Variants in TMOD2 observed in about 807,000 individuals in gnomAD.
TMOD2 encodes tropomodulin-2.
A neutral mutation model predicts 39.9 loss-of-function variants in TMOD2; 22 were observed. The observed-to-expected ratio is 0.55, with a 90% CI of 0.39 to 0.79. The LOEUF (loss-of-function observed/expected upper bound fraction) is 0.79, where lower values mean the gene tolerates loss of function less well. Among genes scored for constraint, TMOD2 ranks in the 30% least tolerant of loss-of-function variants. The pLI is 0.00. For missense variants in TMOD2, 386 were observed against 413.3 expected (o/e 0.93, Z 0.57); for synonymous variants, 123 against 146.1 (o/e 0.84, Z 1.14).
In TMOD2 at chr15:51,810,175, T is replaced by C. The variant is rs2056146971; in HGVS notation, c.*1721T>C. ...TGATTTTTCCTTCCCTTTCACCCATTTAGGTGTGATGTGTTGGAGTCAACT... is the reference window on the plus strand; with the variant it reads ...TGATTTTTCCTTCCCTTTCACCCATCTAGGTGTGATGTGTTGGAGTCAACT... On this transcript the variant is annotated 3_prime_UTR_variant, in exon 10 of 10. Transcript: ENST00000249700. The C allele has an allele frequency of 6.6e-6, 1 of 152,198 alleles. No individual in the cohort carries two copies. Among genetic ancestry groups the C allele is most frequent in the Non-Finnish European group, 1.5e-5 (1 of 68,030 alleles). The allele number at this position is 152,198 out of a possible 1,614,324, so 9.4% of individuals were successfully genotyped here.
At chr15:51,784,596 CA>C (rs1376673554) in intron 7 of TMOD2, 2 of 152,180 alleles carry the variant, frequency 1.3e-5, no homozygotes, top group Non-Finnish European at 2.9e-5. Context: ...TTTTTACCAG[CA>C]GTTATTACAT....
In TMOD2 at chr15:51,810,050, T is replaced by TGCAGAATG. The variant is rs2056146120; in HGVS notation, c.*1596_*1597insGCAGAATG. 6.6e-6 allele frequency: 1 copy of TGCAGAATG among 152,156 alleles called. No individual in the cohort carries two copies. The highest frequency in any genetic ancestry group is 2.4e-5 in the African/African-American group (1 of 41,438). The allele number at this position is 152,156 out of a possible 1,614,324, so 9.4% of individuals were successfully genotyped here. ...GTTTGAGAACACCATAAGCAGAATA[T>TGCAGAATG]TCTAACACCTTTGGCCCCTGAAAAT... On this transcript the variant is annotated 3_prime_UTR_variant, in exon 10 of 10. Coordinates refer to ENST00000249700, the MANE Select transcript of TMOD2 (RefSeq NM_014548.4).
At chr15:51,751,993 C>G (rs1302443630) in intron 1 of TMOD2, among the ~76,000 whole-genome samples, 3 of 151,636 alleles carry the variant, frequency 2.0e-5, no homozygotes, top group Non-Finnish European at 4.4e-5. Flanking sequence ...CTCTGCAGCC[C>G]GCTGGGCCGC....
At chr15:51,770,812 TAATA>T (rs967553635) in intron 3 of TMOD2, among the ~76,000 whole-genome samples, 1 of 152,008 alleles carries the variant, frequency 6.6e-6, no homozygotes, top group Non-Finnish European at 1.5e-5. Flanking sequence ...TCCAAAAAAA[TAATA>T]AATAAATAAA....
intron 4 of TMOD2, among the ~76,000 whole-genome samples, chr15:51,774,579 C>T (rs550970331): frequency 5.3e-5 from 8 of 152,266 alleles, no homozygotes; most frequent in African/African-American, 1.9e-4. Context: ...CCAGGAGAAC[C>T]AGCCTTATTC....
intron 5 of TMOD2, among the ~76,000 whole-genome samples, chr15:51,777,931 A>T (rs948719711): frequency 2.6e-5 from 4 of 152,068 alleles, no homozygotes; most frequent in Non-Finnish European, 4.4e-5. Context: ...CAGTGTGGCG[A>T]TTCCTCAGGG....
At chr15:51,768,445 G>T in intron 3 of TMOD2, 27 bp downstream of exon 3, 1 of 1,570,784 alleles carries the variant, frequency 6.4e-7, no homozygotes, top group Non-Finnish European at 8.6e-7. Flanking sequence ...GAGCATCTTG[G>T]AACAGAGGTT....
At chr15:51,783,152 C>A (rs2055943073) in intron 7 of TMOD2, 1 of 276,688 alleles carries the variant, frequency 3.6e-6, no homozygotes, top group Non-Finnish European at 7.0e-6. Flanking sequence ...CATTGGATAT[C>A]ATGACCCTAA....
intron 1 of TMOD2, among the ~76,000 whole-genome samples, chr15:51,763,529 A>T (rs1230969654): frequency 1.3e-5 from 2 of 152,230 alleles, no homozygotes; most frequent in Non-Finnish European, 2.9e-5. Flanking sequence ...TCTGTAAAAA[A>T]ACAAAACTAA....
intron 3 of TMOD2, 42 bp downstream of exon 3, chr15:51,768,460 CT>C (rs61348403): frequency 0.033 from 42,923 of 1,283,216 alleles, no homozygotes; most frequent in South Asian, 0.066. Context: ...GAGGTTCTCT[CT>C]TTTTTTTTTT....
Position 51,775,563 on chromosome 15 carries a change from CTTTTTCCTTTTTTT to C in TMOD2, c.407-1363_407-1350del, listed in dbSNP as rs1222387223. Among the ~76,000 whole-genome samples the C allele has an allele frequency of 7.3e-5, 7 of 96,524 alleles. No homozygotes were observed. In the Admixed American group the frequency reaches 8.8e-4, roughly 12 times the overall value. The allele number at this position is 96,524 out of a possible 152,430, so 63.3% of individuals were successfully genotyped here. Reference sequence around the variant, plus strand: ...CTTCACAGAGACACAGTGACAAATTCTTTTTCCTTTTTTTTTTTTTTTTTTTTTTTTTGAGACGG... The same window carrying C: ...CTTCACAGAGACACAGTGACAAATTCTTTTTTTTTTTTTTTTTTGAGACGG... On this transcript the variant is annotated intron_variant, in intron 4 of 9. Coordinates refer to ENST00000249700, the MANE Select transcript of TMOD2 (RefSeq NM_014548.4).
At position 51,815,497 on chromosome 15, in the gene TMOD2, C is replaced by T. The variant is rs2056183548; in HGVS notation, c.*7043C>T. On this transcript the variant is annotated 3_prime_UTR_variant, in exon 10 of 10. Coordinates refer to ENST00000249700, the MANE Select transcript of TMOD2 (RefSeq NM_014548.4). ...AGAGAGGCTGGCCCAAGATTTAAAA[C>T]TTCCTGTGGGTAATCTAACTGTGAG... 1 of 152,158 alleles carries T rather than the reference C, an allele frequency of 6.6e-6. No individual in the cohort carries two copies. The highest frequency in any genetic ancestry group is 6.6e-5 in the Admixed American group (1 of 15,266). The allele number at this position is 152,158 out of a possible 1,614,324, so 9.4% of individuals were successfully genotyped here. A position where few individuals can be genotyped will look rare whatever the true frequency, so the allele number is the denominator to read the frequency against.
chr15:51,815,539 A>G lies in TMOD2; in HGVS notation c.*7085A>G, dbSNP rs923837686. Reference sequence around the variant, plus strand: ...AACTGTGAGTAGATAGGAATCGGCCATATGACGAAATGAGATCAATAGGAA... The same window carrying G: ...AACTGTGAGTAGATAGGAATCGGCCGTATGACGAAATGAGATCAATAGGAA... On this transcript the variant is annotated 3_prime_UTR_variant, in exon 10 of 10. Transcript: ENST00000249700. 2 of 152,218 alleles carry G rather than the reference A, an allele frequency of 1.3e-5. No individual in the cohort carries two copies. Among genetic ancestry groups the G allele is most frequent in the Non-Finnish European group, 2.9e-5 (2 of 68,032 alleles). 9.4% of individuals were successfully genotyped at this position (152,218 alleles called of 1,614,324 possible). A position where few individuals can be genotyped will look rare whatever the true frequency, so the allele number is the denominator to read the frequency against.
At chr15:51,801,948 A>G (rs1292817949) in intron 8 of TMOD2, among the ~76,000 whole-genome samples, 1 of 46,380 alleles carries the variant, frequency 2.2e-5, no homozygotes, top group African/African-American at 6.9e-5. Flanking sequence ...ATAATATAAT[A>G]TAACATAATA....
chr15:51,801,205 T>G, intron 8 of TMOD2, among the ~76,000 whole-genome samples: 1 of 139,534 alleles, frequency 7.2e-6, no homozygotes. Flanking sequence ...CCCTGTATAT[T>G]CATTCTCTCT....
At chr15:51,806,289 A>G (rs2056120813) in intron 8 of TMOD2, 88 bp from the exon 9 acceptor site, 1 of 1,495,278 alleles carries the variant, frequency 6.7e-7, no homozygotes, top group South Asian at 1.2e-5. Flanking sequence ...CTTTTTGTCC[A>G]GCAAGTAGCC....
At chr15:51,765,000 T>G (rs2055807018) in intron 1 of TMOD2, among the ~76,000 whole-genome samples, 3 of 151,618 alleles carry the variant, frequency 2.0e-5, no homozygotes, top group Admixed American at 1.3e-4. Flanking sequence ...AGGGGGCATT[T>G]TGATAAATAT....
At chr15:51,762,085 C>T (rs1362077409) in intron 1 of TMOD2, among the ~76,000 whole-genome samples, 1 of 149,782 alleles carries the variant, frequency 6.7e-6, no homozygotes, top group East Asian at 2.0e-4. Context: ...GGAGGTGGAG[C>T]TTGCAGTGAG....
At chr15:51,769,586 C>G (rs1033990704) in intron 3 of TMOD2, among the ~76,000 whole-genome samples, 1 of 152,182 alleles carries the variant, frequency 6.6e-6, no homozygotes, top group East Asian at 1.9e-4. Context: ...AGGAAACCCT[C>G]CTCCTTAGCT....
Sources: allele counts gnomAD v4.1 joint callset (sites outside exome capture counted in the v4.1 genomes callset), GRCh38; gene constraint gnomAD v4.1.1; transcripts MANE v1.5; gene names NCBI Gene and HGNC (gene_info 2026-07-23, HGNC 2026-07-21).